ATAT1: variants seen among roughly 807,000 people sequenced by gnomAD.
ATAT1 encodes the protein alpha tubulin acetyltransferase 1, also known as alpha-tubulin N-acetyltransferase 1.
A neutral mutation model predicts 57.2 loss-of-function variants in ATAT1; 42 were observed. That is an observed-to-expected ratio of 0.73 (90% CI 0.57 to 0.95). The LOEUF is 0.95. Among genes scored for constraint, ATAT1 ranks in the 40% least tolerant of loss-of-function variants. The pLI, the probability that ATAT1 is intolerant of heterozygous loss-of-function variation, is 0.00. For missense variants in ATAT1, 454 were observed against 523.7 expected (o/e 0.87, Z 1.30); for synonymous variants, 168 against 187.1 (o/e 0.90, Z 0.83).
chr6:30,646,158 C>T, intron 12 of ATAT1, 49 bp downstream of exon 12: 1 of 1,569,918 alleles, frequency 6.4e-7, no homozygotes, highest in Non-Finnish European at 8.7e-7. Flanking sequence ...CATCTGACTC[C>T]CTTCCTAACA....
At chr6:30,628,721 C>T (rs1229301460) in intron 6 of ATAT1, among the ~76,000 whole-genome samples, 1 of 151,994 alleles carries the variant, frequency 6.6e-6, no homozygotes, top group Non-Finnish European at 1.5e-5. Context: ...TCTCCTGCTT[C>T]AGCCTCCTGA....
At chr6:30,633,564 A>G (rs910997876) in intron 6 of ATAT1, 1 of 167,282 alleles carries the variant, frequency 6.0e-6, no homozygotes, top group Non-Finnish European at 1.4e-5. Context: ...TGGCAGCTTA[A>G]TCGACATAGT....
intron 8 of ATAT1, among the ~76,000 whole-genome samples, chr6:30,641,453 G>C (rs1050153116): frequency 6.6e-6 from 1 of 152,194 alleles, no homozygotes; most frequent in African/African-American, 2.4e-5. Flanking sequence ...GCCTGCAGGG[G>C]AGGGTGCTGT....
chr6:30,627,580 G>A, intron 2 of ATAT1, 56 bp from the exon 3 acceptor site: 1 of 1,607,258 alleles, frequency 6.2e-7, no homozygotes, highest in Non-Finnish European at 8.5e-7. Flanking sequence ...GTATATAAGG[G>A]AGGCCTGGGT....
intron 10 of ATAT1, chr6:30,644,641 T>C: frequency 3.0e-6 from 3 of 984,684 alleles, no homozygotes; most frequent in African/African-American, 3.5e-5. Context: ...GTTTTCTAAA[T>C]TGACATTTTC....
chr6:30,640,310 T>C, intron 6 of ATAT1, 67 bp from the exon 7 acceptor site: 2 of 1,542,048 alleles, frequency 1.3e-6, no homozygotes, highest in Non-Finnish European at 1.8e-6. Context: ...CCCAATGACG[T>C]ATTTCTCAGA....
intron 10 of ATAT1, chr6:30,644,717 T>G: frequency 1.2e-6 from 1 of 854,292 alleles, no homozygotes; most frequent in Non-Finnish European, 1.4e-6. Flanking sequence ...CTTATTTTCC[T>G]GGGATCTCAG....
At chr6:30,629,230 T>C (rs1432642786) in intron 6 of ATAT1, among the ~76,000 whole-genome samples, 1 of 150,672 alleles carries the variant, frequency 6.6e-6, no homozygotes, top group African/African-American at 2.4e-5. Context: ...AGTTGTTTCC[T>C]ACACCTAATT....
At chr6:30,630,084 G>C (rs1013771142) in intron 6 of ATAT1, among the ~76,000 whole-genome samples, 10 of 152,092 alleles carry the variant, frequency 6.6e-5, no homozygotes, top group Middle Eastern at 3.2e-3. Context: ...GCAGTGTTCT[G>C]GGCACTAGGA....
chr6:30,627,218 G>T lies in ATAT1; in HGVS notation c.15G>T (p.Trp5Cys), dbSNP rs776413353. The T allele has an allele frequency of 3.1e-6, 5 of 1,613,836 alleles. No homozygotes were observed. The East Asian group carries it at 8.9e-5, about 29-fold the overall frequency. Residue 5 changes from tryptophan (W) to cysteine (C), a missense_variant, in exon 1 of 13, where the codon TGG becomes TGT. Coordinates refer to ENST00000330083, the MANE Select transcript of ATAT1 (RefSeq NM_001031722.4). ...CCAATCAAAGGATGTGGTTGACCTG[G>T]CCTTTCTGCTTCCTCACAATAACCT...
At position 30,641,569 on chromosome 6, in the gene ATAT1, G is replaced by C. The variant is rs566065785; in HGVS notation, c.617-607G>C. Among the ~76,000 whole-genome samples the C allele has an allele frequency of 1.1e-3, 175 of 152,262 alleles. 2 individuals are homozygous for C. Among genetic ancestry groups the C allele is most frequent in the African/African-American group, 4.0e-3 (166 of 41,564 alleles). Reference sequence around the variant, plus strand: ...CGGGAGCAAGTAGAGAAGTGAGGAGGGGGAGGCTGAACTTTGGACATTACA... The same window carrying C: ...CGGGAGCAAGTAGAGAAGTGAGGAGCGGGAGGCTGAACTTTGGACATTACA... On this transcript the variant is annotated intron_variant, in intron 8 of 12. Transcript: ENST00000330083.
chr6:30,643,864 G>A, intron 10 of ATAT1: 2 of 1,285,832 alleles, frequency 1.6e-6, no homozygotes, highest in Non-Finnish European at 2.0e-6. Flanking sequence ...CATTTATCTA[G>A]AGAAGCACAC....
chr6:30,626,964 C>A lies in ATAT1; in HGVS notation c.-240C>A, dbSNP rs765966779. Reference sequence around the variant, plus strand: ...GGACCAGCACCTGAGGCCCCCAGCCCGCCGACCCGGAACCACAACGCCGGC... The same window carrying A: ...GGACCAGCACCTGAGGCCCCCAGCCAGCCGACCCGGAACCACAACGCCGGC... On this transcript the variant is annotated 5_prime_UTR_variant, in exon 1 of 13. Coordinates refer to ENST00000330083, the MANE Select transcript of ATAT1 (RefSeq NM_001031722.4). The A allele has an allele frequency of 3.1e-6, 5 of 1,604,740 alleles. No homozygotes were observed. The highest frequency in any genetic ancestry group is 4.3e-6 in the Non-Finnish European group (5 of 1,176,130).
chr6:30,637,394 A>G (rs1764346448), intron 6 of ATAT1, among the ~76,000 whole-genome samples: 1 of 149,760 alleles, frequency 6.7e-6, no homozygotes, highest in Non-Finnish European at 1.5e-5. Flanking sequence ...TTTTTGAGGC[A>G]AGGTCTTGCT....
chr6:30,643,614 C>G, intron 10 of ATAT1: 1 of 1,550,484 alleles, frequency 6.4e-7, no homozygotes, highest in Non-Finnish European at 8.7e-7. Context: ...GGAACCCCTC[C>G]CTGAGAACCT....
intron 10 of ATAT1, chr6:30,643,548 G>A: frequency 6.4e-7 from 1 of 1,550,544 alleles, no homozygotes; most frequent in Admixed American, 2.0e-5. Flanking sequence ...CCGCTCTGAG[G>A]AGAGTCGATA....
intron 6 of ATAT1, among the ~76,000 whole-genome samples, chr6:30,637,682 T>TAAA (rs529959080): frequency 3.7e-5 from 5 of 134,858 alleles, no homozygotes; most frequent in African/African-American, 1.1e-4. Context: ...GATTCCATGT[T>TAAA]AAAAAAAAAA....
intron 10 of ATAT1, chr6:30,644,292 CA>C: frequency 1.0e-6 from 1 of 985,834 alleles, no homozygotes; most frequent in Non-Finnish European, 1.2e-6. Context: ...TCCAGAGTGT[CA>C]AGGATCTGTT....
intron 6 of ATAT1, among the ~76,000 whole-genome samples, chr6:30,639,107 A>G (rs926858915): frequency 3.3e-5 from 5 of 151,924 alleles, no homozygotes; most frequent in African/African-American, 1.2e-4. Context: ...CAGCCTCCCA[A>G]GTAGCTAGGA....
Sources: gnomAD v4.1 joint callset for allele counts (sites outside exome capture counted in the v4.1 genomes callset) on GRCh38, gnomAD v4.1.1 for gene constraint, MANE v1.5 for transcripts, NCBI Gene and HGNC (gene_info 2026-07-23, HGNC 2026-07-21) for gene names.